RALGAPA2: variants seen among roughly 807,000 people sequenced by gnomAD.
RALGAPA2 encodes the protein ral GTPase-activating protein subunit alpha-2.
In RALGAPA2, 139 loss-of-function variants were observed where a neutral mutation model predicts 230.4. The ratio of observed to expected loss-of-function variants is 0.60; its 90% CI spans 0.53 to 0.69. The LOEUF (loss-of-function observed/expected upper bound fraction) is 0.69, where lower values mean the gene tolerates loss of function less well. Ranked by LOEUF, RALGAPA2 falls within the 30% of genes least tolerant of loss-of-function variation. The pLI, the probability that RALGAPA2 is intolerant of heterozygous loss-of-function variation, is 0.00. For missense variants in RALGAPA2, 2,163 were observed against 2,276.0 expected, an observed-to-expected ratio of 0.95 and a Z score of 1.01; for synonymous variants, 847 against 837.8, an observed-to-expected ratio of 1.01 and a Z score of -0.19.
chr20:20,458,900 T>C (rs1219281863), intron 37 of RALGAPA2, among the ~76,000 whole-genome samples: 2 of 74,644 alleles, frequency 2.7e-5, no homozygotes, highest in African/African-American at 1.1e-4. Flanking sequence ...AAATAAAATA[T>C]ATATATACCA....
chr20:20,492,997 C>A (rs548675163), intron 36 of RALGAPA2, among the ~76,000 whole-genome samples: 1 of 152,166 alleles, frequency 6.6e-6, no homozygotes, highest in Non-Finnish European at 1.5e-5. Flanking sequence ...AATGCTAAAT[C>A]GGTTAATGTT....
chr20:20,567,769 G>T (rs1373856325), intron 23 of RALGAPA2, among the ~76,000 whole-genome samples: 2 of 151,198 alleles, frequency 1.3e-5, no homozygotes, highest in Admixed American at 1.3e-4. Flanking sequence ...AAGACGGGAG[G>T]ACTGCTTGAG....
intron 36 of RALGAPA2, among the ~76,000 whole-genome samples, chr20:20,494,132 ACTTT>A (rs2062139198): frequency 6.6e-6 from 1 of 152,228 alleles, no homozygotes; most frequent in African/African-American, 2.4e-5. Context: ...TGTTTGAAGC[ACTTT>A]CTATTTATTA....
intron 39 of RALGAPA2, among the ~76,000 whole-genome samples, chr20:20,393,638 A>G (rs1310001084): frequency 1.3e-5 from 2 of 152,218 alleles, no homozygotes; most frequent in Non-Finnish European, 2.9e-5. Context: ...GCCGCTCTGC[A>G]GATCCCTGGC....
chr20:20,684,564 C>T (rs914361971), intron 1 of RALGAPA2, among the ~76,000 whole-genome samples: 4 of 152,174 alleles, frequency 2.6e-5, no homozygotes, highest in African/African-American at 9.7e-5. Context: ...TACTCACTAA[C>T]AAGACAACTA....
At chr20:20,709,817 T>A (rs188744446) in intron 1 of RALGAPA2, among the ~76,000 whole-genome samples, 1 of 152,352 alleles carries the variant, frequency 6.6e-6, no homozygotes. Flanking sequence ...CACCCAGTTG[T>A]TTTAAATACA....
intron 37 of RALGAPA2, among the ~76,000 whole-genome samples, chr20:20,454,318 G>A (rs1411024652): frequency 6.6e-6 from 1 of 152,202 alleles, no homozygotes; most frequent in African/African-American, 2.4e-5. Flanking sequence ...ATTTGAGCAT[G>A]TCTGAATTTG....
chr20:20,452,467 C>T (rs1242041319), intron 37 of RALGAPA2, among the ~76,000 whole-genome samples: 1 of 152,208 alleles, frequency 6.6e-6, no homozygotes, highest in African/African-American at 2.4e-5. Flanking sequence ...TTATTCGGTG[C>T]CACCGCTGAC....
chr20:20,622,393 A>G (rs2066350594), intron 10 of RALGAPA2, among the ~76,000 whole-genome samples: 2 of 152,336 alleles, frequency 1.3e-5, no homozygotes, highest in Non-Finnish European at 2.9e-5. Context: ...ACAAGGATAA[A>G]TGTGAAGTAT....
intron 2 of RALGAPA2, 77 bp downstream of exon 2, chr20:20,680,614 T>C (rs746068999): frequency 3.5e-6 from 5 of 1,430,056 alleles, no homozygotes; most frequent in Non-Finnish European, 9.1e-7. Flanking sequence ...TAAAAATGTA[T>C]AATTTGTGGC....
chr20:20,681,662 T>G (rs146184526), intron 1 of RALGAPA2, among the ~76,000 whole-genome samples: 1 of 152,320 alleles, frequency 6.6e-6, no homozygotes, highest in African/African-American at 2.4e-5. Context: ...GTTGGCACTT[T>G]GGGAGAATAC....
chr20:20,564,582 A>C (rs2064356214), intron 23 of RALGAPA2, among the ~76,000 whole-genome samples: 1 of 152,238 alleles, frequency 6.6e-6, no homozygotes, highest in African/African-American at 2.4e-5. Context: ...GGAAGGAGTG[A>C]TGTGACCCTA....
chr20:20,675,906 G>C (rs1419293915), intron 3 of RALGAPA2, among the ~76,000 whole-genome samples: 1 of 151,784 alleles, frequency 6.6e-6, no homozygotes, highest in Non-Finnish European at 1.5e-5. Context: ...TTTTTACAGG[G>C]CAGTTTCTCA....
chr20:20,508,607 A>C (rs746953732), intron 33 of RALGAPA2, among the ~76,000 whole-genome samples: 11 of 152,356 alleles, frequency 7.2e-5, no homozygotes, highest in South Asian at 4.1e-4. Flanking sequence ...TCCAAAGAAC[A>C]TGTTAAGAAG....
In RALGAPA2 at chr20:20,513,077, A is replaced by C. The variant is rs754472773; in HGVS notation, c.4292T>G (p.Phe1431Cys). 6.2e-7 allele frequency: 1 copy of C among 1,606,926 alleles called. No individual in the cohort carries two copies. The highest frequency in any genetic ancestry group is 8.5e-7 in the Non-Finnish European group (1 of 1,177,088). The change falls in exon 32 of 40, where the codon TTT becomes TGT. Residue 1431 changes from phenylalanine to cysteine, a missense_variant. Transcript: ENST00000202677. The part of the protein sequence containing the change: ...FRSPNLQLFV[F>C]NDSTLISYLQ... The stretch of plus-strand genomic sequence containing the variant: ...GTAGGAGATGAGGGTGCTATCATTA[A>C]ATACAAACAGCTGCAGGTTTGGACT...
At chr20:20,495,378 T>C in intron 35 of RALGAPA2, 103 bp from the exon 36 acceptor site, 1 of 998,428 alleles carries the variant, frequency 1.0e-6, no homozygotes, top group Non-Finnish European at 1.4e-6. Flanking sequence ...CCAAAAAAAT[T>C]TCACTACCAA....
chr20:20,421,891 A>C (rs2060283887), intron 37 of RALGAPA2, among the ~76,000 whole-genome samples: 1 of 152,230 alleles, frequency 6.6e-6, no homozygotes, highest in African/African-American at 2.4e-5. Context: ...CCTTGCCTGC[A>C]AACTGATGAA....
intron 5 of RALGAPA2, among the ~76,000 whole-genome samples, chr20:20,641,867 T>C (rs1475318696): frequency 6.6e-6 from 1 of 151,744 alleles, no homozygotes; most frequent in Non-Finnish European, 1.5e-5. Flanking sequence ...GAGAAAAGCC[T>C]AAATAAATAA....
At position 20,472,865 on chromosome 20, in the gene RALGAPA2, C is replaced by A; in HGVS notation, c.5459G>T (p.Arg1820Met). The A allele has an allele frequency of 6.2e-7, 1 of 1,613,648 alleles. No homozygotes were observed. The highest frequency in any genetic ancestry group is 8.5e-7 in the Non-Finnish European group (1 of 1,179,688). Residue 1820 changes from arginine (R) to methionine (M), a missense_variant, in exon 37 of 40, where the codon AGG becomes ATG. Coordinates refer to ENST00000202677, the MANE Select transcript of RALGAPA2 (RefSeq NM_020343.4). ...LVCATCINAS[R>M]AVKCLIPLYQ... ...GAGTGGGATGAGGCACTTCACAGCCCTGCTGGCGTTGATGCACGTGGCACA... is the reference window on the plus strand; with the variant it reads ...GAGTGGGATGAGGCACTTCACAGCCATGCTGGCGTTGATGCACGTGGCACA...
Sources: gnomAD v4.1 joint callset for allele counts (sites outside exome capture counted in the v4.1 genomes callset) on GRCh38, gnomAD v4.1.1 for gene constraint, MANE v1.5 for transcripts, NCBI Gene and HGNC (gene_info 2026-07-23, HGNC 2026-07-21) for gene names.